Variants in SUGCT observed in about 807,000 individuals in gnomAD.
The protein encoded by SUGCT is succinyl-CoA:glutarate CoA-transferase.
Under a neutral mutation model 55.0 loss-of-function variants are expected in SUGCT, and 41 were observed. That is an observed-to-expected ratio of 0.74 (90% CI 0.58 to 0.97). The LOEUF (loss-of-function observed/expected upper bound fraction) is 0.97, where lower values mean the gene tolerates loss of function less well. Ranked by LOEUF, SUGCT falls within the 50% of genes least tolerant of loss-of-function variation. The pLI, the probability that SUGCT is intolerant of heterozygous loss-of-function variation, is 0.00. For synonymous variants in SUGCT, 187 were observed against 200.4 expected, an observed-to-expected ratio of 0.93 and a Z score of 0.56; for missense variants, 568 against 547.8, an observed-to-expected ratio of 1.04 and a Z score of -0.37.
rs945209013 is a variant in SUGCT at position 40,182,346 on chromosome 7, C to T, written c.226+318C>T. 9.2e-5 allele frequency among the ~76,000 whole-genome samples: 14 copies of T among 152,216 alleles called. No homozygotes were observed. In the East Asian group the frequency reaches 2.1e-3, roughly 23 times the overall value. ...CTTTGGGAGGCCAAGGAGGGCAGATCACTTGAGGTCAGGACTTCGAGACCA... is the reference window on the plus strand; with the variant it reads ...CTTTGGGAGGCCAAGGAGGGCAGATTACTTGAGGTCAGGACTTCGAGACCA... On this transcript the variant is annotated intron_variant, in intron 3 of 13. Transcript: ENST00000335693.
At chr7:40,784,502 G>A (rs1208871864) in intron 13 of SUGCT, among the ~76,000 whole-genome samples, 1 of 152,120 alleles carries the variant, frequency 6.6e-6, no homozygotes, top group Admixed American at 6.6e-5. Flanking sequence ...CTTGTGGGAG[G>A]AACTCTTGTA....
intron 1 of SUGCT, among the ~76,000 whole-genome samples, chr7:40,156,628 G>A (rs773674004): frequency 2.2e-4 from 33 of 152,170 alleles, no homozygotes; most frequent in Non-Finnish European, 4.6e-4. Flanking sequence ...CTCTGAGGTG[G>A]TGGCTCCTGG....
the SUGCT span, among the ~76,000 whole-genome samples, chr7:41,023,857 C>T: frequency 4.6e-5 from 7 of 152,116 alleles, no homozygotes; most frequent in East Asian, 1.2e-3. Flanking sequence ...AAGCAATAGC[C>T]ATTTCCTTCA....
intron 6 of SUGCT, among the ~76,000 whole-genome samples, chr7:40,211,973 A>G (rs751169213): frequency 9.9e-5 from 15 of 152,168 alleles, no homozygotes; most frequent in Non-Finnish European, 1.8e-4. Context: ...AAAGGGAACA[A>G]ATAATGTACC....
intron 8 of SUGCT, among the ~76,000 whole-genome samples, chr7:40,277,677 G>GTTTA (rs71560188): frequency 6.9e-6 from 1 of 144,896 alleles, no homozygotes; most frequent in African/African-American, 2.5e-5. Context: ...TGTTCTTTTT[G>GTTTA]TTATTATTAT....
intron 8 of SUGCT, among the ~76,000 whole-genome samples, chr7:40,278,235 C>A (rs1792671281): frequency 6.6e-6 from 1 of 152,164 alleles, no homozygotes; most frequent in Non-Finnish European, 1.5e-5. Context: ...GATACCGTCT[C>A]ACACCAATTA....
At chr7:40,666,147 C>T (rs754740215) in intron 12 of SUGCT, among the ~76,000 whole-genome samples, 10 of 151,584 alleles carry the variant, frequency 6.6e-5, no homozygotes, top group Non-Finnish European at 1.5e-4. Flanking sequence ...GTCAGGAGAT[C>T]GAGACCATCC....
At chr7:40,944,517 G>A in the SUGCT span, among the ~76,000 whole-genome samples, 1 of 151,846 alleles carries the variant, frequency 6.6e-6, no homozygotes, top group Non-Finnish European at 1.5e-5. Context: ...AGTTTTCCCA[G>A]CACCATTTAT....
the SUGCT span, among the ~76,000 whole-genome samples, chr7:41,003,065 A>G: frequency 1.3e-5 from 2 of 152,180 alleles, no homozygotes; most frequent in Non-Finnish European, 2.9e-5. Flanking sequence ...GAGTTTTTAT[A>G]AAGTTTAAGA....
chr7:40,570,941 C>T lies in SUGCT; in HGVS notation c.1089+74555C>T, dbSNP rs111965453. 7.2e-3 allele frequency among the ~76,000 whole-genome samples: 992 copies of T among 138,044 alleles called. 16 individuals are homozygous for T. Among genetic ancestry groups the T allele is most frequent in the African/African-American group, 0.025 (921 of 37,232 alleles). The allele number at this position is 138,044 out of a possible 152,430, so 90.6% of individuals were successfully genotyped here. On this transcript the variant is annotated intron_variant, in intron 12 of 13. Coordinates refer to ENST00000335693, the MANE Select transcript of SUGCT (RefSeq NM_001193313.2). ...GTGGCATGATGTTGGCTTACTGCAA[C>T]CTCCGCCTCCTGGATTCAAGCGATT...
chr7:40,336,921 T>A (rs1371798530), intron 9 of SUGCT, among the ~76,000 whole-genome samples: 1 of 152,216 alleles, frequency 6.6e-6, no homozygotes, highest in East Asian at 1.9e-4. Context: ...CAGCTTTAAA[T>A]GTGTCCCAGA....
intron 8 of SUGCT, among the ~76,000 whole-genome samples, chr7:40,298,226 G>A (rs890762146): frequency 4.0e-5 from 6 of 151,808 alleles, no homozygotes; most frequent in Admixed American, 3.9e-4. Context: ...CCATGCTAAA[G>A]TAGGCCTGAG....
rs201086305 is a variant in SUGCT at position 40,351,336 on chromosome 7, TA to T, written c.816+34485del. Among the ~76,000 whole-genome samples the T allele has an allele frequency of 5.1e-3, 783 of 152,190 alleles. 2 individuals carry two copies. Among genetic ancestry groups the T allele is most frequent in the African/African-American group, 0.018 (747 of 41,576 alleles). On this transcript the variant is annotated intron_variant, in intron 9 of 13. Transcript: ENST00000335693. ...TCTGCTTTAAAAGTATTTACCATCT[TA>T]AAATCTAAAAATGGATCTCTTCTGG...
At chr7:40,349,445 C>T (rs1361153289) in intron 9 of SUGCT, among the ~76,000 whole-genome samples, 1 of 151,876 alleles carries the variant, frequency 6.6e-6, no homozygotes, top group Non-Finnish European at 1.5e-5. Flanking sequence ...TAACTTTTTA[C>T]ACTTGACACT....
chr7:40,782,650 T>G (rs983872663), intron 13 of SUGCT: 2 of 152,178 alleles, frequency 1.3e-5, no homozygotes, highest in African/African-American at 4.8e-5. Flanking sequence ...CATGCATCCT[T>G]TGAGCCTAAA....
chr7:41,015,863 T>C, the SUGCT span, among the ~76,000 whole-genome samples: 1 of 152,204 alleles, frequency 6.6e-6, no homozygotes, highest in East Asian at 1.9e-4. Context: ...GTGCCAAGCG[T>C]TCACCACACA....
At chr7:40,941,572 A>G in the SUGCT span, among the ~76,000 whole-genome samples, 2 of 152,248 alleles carry the variant, frequency 1.3e-5, no homozygotes, top group East Asian at 1.9e-4. Flanking sequence ...CTGCAAATAT[A>G]TGTTAGGTCT....
At chr7:40,605,123 A>G (rs979678647) in intron 12 of SUGCT, among the ~76,000 whole-genome samples, 2 of 152,250 alleles carry the variant, frequency 1.3e-5, no homozygotes, top group African/African-American at 4.8e-5. Context: ...CTCAGGAGTG[A>G]TGCTCTACCA....
At chr7:40,561,722 C>A (rs1018620771) in intron 12 of SUGCT, among the ~76,000 whole-genome samples, 1 of 130,378 alleles carries the variant, frequency 7.7e-6, no homozygotes, top group Non-Finnish European at 1.6e-5. Context: ...GATGGAGTCT[C>A]GTTCTGTTGC....
Sources: gnomAD v4.1 joint callset for allele counts (sites outside exome capture counted in the v4.1 genomes callset) on GRCh38, gnomAD v4.1.1 for gene constraint, MANE v1.5 for transcripts, NCBI Gene and HGNC (gene_info 2026-07-23, HGNC 2026-07-21) for gene names.